Variants in PTPRD observed in about 807,000 individuals in gnomAD.
PTPRD encodes protein tyrosine phosphatase receptor type D, also known as receptor-type tyrosine-protein phosphatase delta.
In PTPRD, 34 loss-of-function variants were observed where a neutral mutation model predicts 214.5. The ratio of observed to expected loss-of-function variants is 0.16; its 90% CI spans 0.12 to 0.21. PTPRD has a LOEUF of 0.21. Ranked by LOEUF, PTPRD falls within the 10% of genes least tolerant of loss-of-function variation. The probability of loss-of-function intolerance (pLI) is 1.00; values close to 1 mark genes in which losing one functional copy is unlikely to be tolerated. For synonymous variants in PTPRD, 1,128 were observed against 845.7 expected (o/e 1.33, Z -5.79); for missense variants, 2,545 against 2,398.7 (o/e 1.06, Z -1.27).
chr9:10,109,137 T>C (rs67153635), intron 3 of PTPRD, among the ~76,000 whole-genome samples: 17,121 of 152,208 alleles, frequency 0.11, 1,131 homozygotes, highest in South Asian at 0.28. Flanking sequence ...AGTTGATTCC[T>C]TAAAAATCTA....
At chr9:10,124,820 A>T (rs1386941128) in intron 3 of PTPRD, among the ~76,000 whole-genome samples, 1 of 152,172 alleles carries the variant, frequency 6.6e-6, no homozygotes, top group Non-Finnish European at 1.5e-5. Context: ...AGAATACAAA[A>T]TTTTTCTGAA....
intron 7 of PTPRD, among the ~76,000 whole-genome samples, chr9:9,699,414 T>A (rs919534654): frequency 7.9e-5 from 12 of 152,316 alleles, no homozygotes; most frequent in African/African-American, 2.9e-4. Context: ...TTGTTCTTTT[T>A]TGTCCCCCTT....
At chr9:9,281,970 C>T (rs1947861748) in intron 9 of PTPRD, among the ~76,000 whole-genome samples, 1 of 151,174 alleles carries the variant, frequency 6.6e-6, no homozygotes, top group Admixed American at 6.6e-5. Context: ...ATGGAGAAAC[C>T]ATAAATGCAT....
intron 11 of PTPRD, among the ~76,000 whole-genome samples, chr9:8,770,245 C>T (rs1000874899): frequency 2.0e-5 from 3 of 151,888 alleles, no homozygotes; most frequent in African/African-American, 7.3e-5. Context: ...ATCAAGCCCA[C>T]TGCATTCCAG....
At chr9:8,499,415 G>C (rs980138831) in intron 25 of PTPRD, among the ~76,000 whole-genome samples, 1 of 152,076 alleles carries the variant, frequency 6.6e-6, no homozygotes, top group African/African-American at 2.4e-5. Flanking sequence ...TGTATTTTAA[G>C]GAAAAAGTAA....
chr9:8,432,663 A>G (rs2095132016), intron 35 of PTPRD, among the ~76,000 whole-genome samples: 1 of 152,338 alleles, frequency 6.6e-6, no homozygotes, highest in South Asian at 2.1e-4. Flanking sequence ...ATTCAAATTT[A>G]TGTAGAAGAT....
Position 10,323,342 on chromosome 9 carries a change from T to C in PTPRD, c.-545+17621A>G, listed in dbSNP as rs1364000448. On this transcript the variant is annotated intron_variant, in intron 3 of 45. Coordinates refer to ENST00000381196, the MANE Select transcript of PTPRD (RefSeq NM_002839.4). Reference sequence around the variant, plus strand: ...TTTTTCAGATGGGGTCTCACTCCATTGGAATGCAGTGGTGTGATTTTGCCT... The same window carrying C: ...TTTTTCAGATGGGGTCTCACTCCATCGGAATGCAGTGGTGTGATTTTGCCT... Among the ~76,000 whole-genome samples, 4 of 146,226 alleles carry C rather than the reference T, an allele frequency of 2.7e-5. No individual in the cohort carries two copies. In the East Asian group the frequency reaches 8.6e-4, roughly 31 times the overall value.
chr9:9,448,824 G>T (rs543907963), intron 8 of PTPRD, among the ~76,000 whole-genome samples: 103 of 152,152 alleles, frequency 6.8e-4, no homozygotes, highest in African/African-American at 2.5e-3. Flanking sequence ...ACACACTGTG[G>T]TATAGGTTGT....
chr9:9,118,824 A>T (rs1369262139), intron 10 of PTPRD, among the ~76,000 whole-genome samples: 2 of 152,196 alleles, frequency 1.3e-5, no homozygotes, highest in Non-Finnish European at 2.9e-5. Flanking sequence ...TTCTACCTTA[A>T]AGTAAATAAT....
chr9:10,271,789 C>T (rs182995094), intron 3 of PTPRD, among the ~76,000 whole-genome samples: 164 of 152,170 alleles, frequency 1.1e-3, no homozygotes, highest in African/African-American at 3.8e-3. Context: ...GTGATCCACC[C>T]ACCTCGGCCT....
chr9:10,310,903 G>T (rs2096250081), intron 3 of PTPRD, among the ~76,000 whole-genome samples: 2 of 152,004 alleles, frequency 1.3e-5, no homozygotes, highest in African/African-American at 4.8e-5. Context: ...AGAACTTTGA[G>T]AACAAGCTGC....
intron 11 of PTPRD, among the ~76,000 whole-genome samples, chr9:9,000,132 G>A (rs951799715): frequency 2.6e-5 from 4 of 152,006 alleles, no homozygotes; most frequent in African/African-American, 9.7e-5. Flanking sequence ...TAACAAAGTT[G>A]AAAGTATAGA....
intron 2 of PTPRD, among the ~76,000 whole-genome samples, chr9:10,503,444 AT>A (rs534954337): frequency 1.3e-5 from 2 of 152,092 alleles, no homozygotes; most frequent in Non-Finnish European, 2.9e-5. Flanking sequence ...AATCAAGTCA[AT>A]TTTTTTATTT....
At chr9:9,377,875 CT>C (rs1444458097) in intron 9 of PTPRD, among the ~76,000 whole-genome samples, 1 of 142,420 alleles carries the variant, frequency 7.0e-6, no homozygotes, top group Non-Finnish European at 1.6e-5. Context: ...AAGAAAGCAC[CT>C]CTTCTAGAAG....
intron 36 of PTPRD, among the ~76,000 whole-genome samples, chr9:8,401,783 C>T (rs1317811466): frequency 6.6e-6 from 1 of 152,108 alleles, no homozygotes; most frequent in Non-Finnish European, 1.5e-5. Context: ...TCTGTCAGAT[C>T]ACTTTGCAAA....
chr9:8,340,913 T>C (rs1851865302), intron 41 of PTPRD, among the ~76,000 whole-genome samples, 177 bp downstream of exon 41: 1 of 152,140 alleles, frequency 6.6e-6, no homozygotes. Context: ...AAACACTTCA[T>C]AACTACTACT....
chr9:10,280,982 C>T (rs944149524), intron 3 of PTPRD, among the ~76,000 whole-genome samples: 2 of 152,142 alleles, frequency 1.3e-5, no homozygotes, highest in African/African-American at 4.8e-5. Flanking sequence ...CATTTGAGAA[C>T]CACTGGTCTA....
At chr9:9,862,342 G>A (rs61390446) in intron 5 of PTPRD, among the ~76,000 whole-genome samples, 4,312 of 152,240 alleles carry the variant, frequency 0.028, 180 homozygotes, top group African/African-American at 0.099. Flanking sequence ...GTTAATGAAA[G>A]ATCTGCCCCA....
rs780000854 is a variant in PTPRD at position 9,381,462 on chromosome 9, G to A, written c.-203+15987C>T. On this transcript the variant is annotated intron_variant, in intron 9 of 45. Coordinates refer to ENST00000381196, the MANE Select transcript of PTPRD (RefSeq NM_002839.4). ...TGCAGTCTTGACCTCTTGGGCTCAA[G>A]TAATCTTCTCACTATGGCCTCCTGT... Among the ~76,000 whole-genome samples, 14 of 149,672 alleles carry A rather than the reference G, an allele frequency of 9.4e-5. No individual in the cohort carries two copies. The South Asian group carries it at 1.7e-3, about 18-fold the overall frequency.
Sources: gnomAD v4.1 joint callset for allele counts (sites outside exome capture counted in the v4.1 genomes callset) on GRCh38, gnomAD v4.1.1 for gene constraint, MANE v1.5 for transcripts, NCBI Gene and HGNC (gene_info 2026-07-23, HGNC 2026-07-21) for gene names.